SRD5A2: variants seen among roughly 807,000 people sequenced by gnomAD.
The protein encoded by SRD5A2 is 3-oxo-5-alpha-steroid 4-dehydrogenase 2.
A neutral mutation model predicts 27.4 loss-of-function variants in SRD5A2; 30 were observed. That is an observed-to-expected ratio of 1.10 (90% CI 0.82 to 1.49). The LOEUF is 1.49. SRD5A2 is among the 40% of genes most tolerant of loss of function. The pLI is 0.00. For missense variants in SRD5A2, 348 were observed against 323.4 expected (o/e 1.08, Z -0.58); for synonymous variants, 141 against 133.6 (o/e 1.06, Z -0.38).
At chr2:31,582,921 A>G (rs1287131818), upstream of SRD5A2, among the ~76,000 whole-genome samples, 2 of 96,260 alleles carry the variant, frequency 2.1e-5, no homozygotes, top group African/African-American at 3.5e-5. Flanking sequence ...AACCCAGCTC[A>G]ATGGAATATT....
rs1210348750 is a variant in SRD5A2, at chr2:31,533,608, C to T, written c.440G>A (p.Ser147Asn). Residue 147 changes from serine (S) to asparagine (N), a missense_variant, in exon 2 of 5, where the codon AGC (serine) becomes AAC (asparagine). Physicochemically the swap from Ser to Asn is conservative, Grantham distance 46. Coordinates refer to ENST00000622030, the MANE Select transcript of SRD5A2 (RefSeq NM_000348.4). ...PDGWYTDIRF[S>N]LGVFLFILGM... is the part of the protein sequence containing the mutation. ...AAGTGGGCAGATTCACTTACCCAAG[C>T]TAAACCGTATGTCTGTGTACCACCC... The T allele has an allele frequency of 6.4e-7, 1 of 1,551,578 alleles. No homozygotes were observed. The highest frequency in any genetic ancestry group is 8.7e-7 in the Non-Finnish European group (1 of 1,147,030).
At chr2:31,559,969 C>A (rs771258545) in intron 1 of SRD5A2, among the ~76,000 whole-genome samples, 3 of 150,864 alleles carry the variant, frequency 2.0e-5, no homozygotes, top group Non-Finnish European at 2.9e-5. Flanking sequence ...TTAAGTAGAA[C>A]AGAGTGGTTT....
chr2:31,573,828 G>A (rs1414325481), intron 1 of SRD5A2, among the ~76,000 whole-genome samples: 2 of 152,110 alleles, frequency 1.3e-5, no homozygotes, highest in Non-Finnish European at 2.9e-5. Flanking sequence ...TATTTCTGAG[G>A]TACTGTGTTA....
chr2:31,600,210 C>G, the SRD5A2 span, among the ~76,000 whole-genome samples: 3 of 151,982 alleles, frequency 2.0e-5, no homozygotes, highest in African/African-American at 7.2e-5. Context: ...ATATGTGCCA[C>G]ATTTTTTTAT....
At chr2:31,594,369 C>T in the SRD5A2 span, among the ~76,000 whole-genome samples, 66 of 152,170 alleles carry the variant, frequency 4.3e-4, no homozygotes, top group African/African-American at 1.6e-3. Flanking sequence ...ACATTCCATG[C>T]AAATGGAAAC....
At chr2:31,638,995 C>T in the SRD5A2 span, among the ~76,000 whole-genome samples, 1 of 151,880 alleles carries the variant, frequency 6.6e-6, no homozygotes, top group East Asian at 1.9e-4. Flanking sequence ...TCTCTTCCCC[C>T]CTTCTTTTCC....
At chr2:31,656,735 A>G in the SRD5A2 span, among the ~76,000 whole-genome samples, 1 of 152,136 alleles carries the variant, frequency 6.6e-6, no homozygotes, top group Non-Finnish European at 1.5e-5. Flanking sequence ...CAGCCTCGAG[A>G]ACTTTGAGAA....
At chr2:31,533,483 T>C in intron 2 of SRD5A2, 120 bp downstream of exon 2, 1 of 870,566 alleles carries the variant, frequency 1.1e-6, no homozygotes, top group East Asian at 2.7e-5. Context: ...AGGGTAGAGG[T>C]GAGGGAGGGG....
chr2:31,535,109 C>A (rs1365709922), intron 1 of SRD5A2, among the ~76,000 whole-genome samples: 1 of 151,816 alleles, frequency 6.6e-6, no homozygotes, highest in Non-Finnish European at 1.5e-5. Context: ...GCAACCTCCA[C>A]CTCCAGGGTT....
chr2:31,570,061 C>T (rs1428894546), intron 1 of SRD5A2, among the ~76,000 whole-genome samples: 1 of 152,050 alleles, frequency 6.6e-6, no homozygotes, highest in East Asian at 1.9e-4. Flanking sequence ...CAAAACCTCA[C>T]AGAGACACAA....
the SRD5A2 span, among the ~76,000 whole-genome samples, chr2:31,647,425 G>A: frequency 2.0e-5 from 3 of 152,186 alleles, no homozygotes; most frequent in Non-Finnish European, 2.9e-5. Context: ...AAAACATATC[G>A]TTGGCATTCC....
At chr2:31,530,353 C>T (rs1336911642) in intron 3 of SRD5A2, among the ~76,000 whole-genome samples, 1 of 152,114 alleles carries the variant, frequency 6.6e-6, no homozygotes, top group Non-Finnish European at 1.5e-5. Context: ...AAAATCAAAG[C>T]CCCTTAGAGT....
At chr2:31,596,987 A>T in the SRD5A2 span, among the ~76,000 whole-genome samples, 15 of 152,160 alleles carry the variant, frequency 9.9e-5, no homozygotes, top group Admixed American at 2.6e-4. Context: ...CAGAATTTTT[A>T]AAAAATACTA....
the SRD5A2 span, among the ~76,000 whole-genome samples, chr2:31,612,542 T>C: frequency 6.6e-6 from 1 of 152,148 alleles, no homozygotes. Context: ...AGAAATATAG[T>C]TCATGTTCAT....
the SRD5A2 span, among the ~76,000 whole-genome samples, chr2:31,634,179 G>A: frequency 5.3e-5 from 8 of 151,726 alleles, no homozygotes; most frequent in South Asian, 2.1e-4. Context: ...TTTAATGGAA[G>A]TGCTAGAAAT....
intron 1 of SRD5A2, among the ~76,000 whole-genome samples, chr2:31,547,180 G>A (rs1490819614): frequency 6.6e-6 from 1 of 152,196 alleles, no homozygotes; most frequent in Non-Finnish European, 1.5e-5. Context: ...ACAGAGTCCA[G>A]AAATAAACCC....
chr2:31,548,947 A>C (rs1666321029), intron 1 of SRD5A2, among the ~76,000 whole-genome samples: 3 of 152,038 alleles, frequency 2.0e-5, no homozygotes. Context: ...CCCTGAGAGC[A>C]ATGTGCTAAG....
chr2:31,636,928 T>G, the SRD5A2 span, among the ~76,000 whole-genome samples: 6 of 151,982 alleles, frequency 3.9e-5, no homozygotes, highest in Non-Finnish European at 7.4e-5. Context: ...TTGGCCTCTA[T>G]TTTTCTTTTT....
intron 1 of SRD5A2, among the ~76,000 whole-genome samples, chr2:31,542,540 C>A (rs11890640): frequency 0.19 from 29,382 of 151,948 alleles, 3,636 homozygotes; most frequent in African/African-American, 0.35. Flanking sequence ...ACTAAAAGTA[C>A]ATGTGGATGA....
Sources: gnomAD v4.1 joint callset for allele counts (sites outside exome capture counted in the v4.1 genomes callset) on GRCh38, gnomAD v4.1.1 for gene constraint, MANE v1.5 for transcripts, NCBI Gene and HGNC (gene_info 2026-07-23, HGNC 2026-07-21) for gene names.